The following NFXL1 variants were observed in gnomAD, a reference collection of about 807,000 sequenced individuals.
NFXL1 encodes nuclear transcription factor, X-box binding like 1, also known as NF-X1-type zinc finger protein NFXL1.
In NFXL1, 66 loss-of-function variants were observed where a neutral mutation model predicts 123.3. That is an observed-to-expected ratio of 0.54 (90% CI 0.44 to 0.66). The LOEUF (loss-of-function observed/expected upper bound fraction) is 0.66. Ranked by LOEUF, NFXL1 falls within the 30% of genes least tolerant of loss-of-function variation. The probability of loss-of-function intolerance (pLI) is 0.00; values close to 1 mark genes in which losing one functional copy is unlikely to be tolerated. For missense variants in NFXL1, 944 were observed against 1,125.6 expected (o/e 0.84, Z 2.31); for synonymous variants, 346 against 360.8 (o/e 0.96, Z 0.46).
intron 22 of NFXL1, among the ~76,000 whole-genome samples, chr4:47,850,066 G>A (rs556625485): frequency 5.3e-5 from 8 of 152,024 alleles, no homozygotes; most frequent in African/African-American, 1.9e-4. Context: ...TAAAGAGTCA[G>A]TAAACAGGGA....
At chr4:47,889,010 C>A (rs1736615623) in intron 12 of NFXL1, among the ~76,000 whole-genome samples, 1 of 152,086 alleles carries the variant, frequency 6.6e-6, no homozygotes, top group Admixed American at 6.6e-5. Flanking sequence ...AAATATGAGA[C>A]AGGGAAATGC....
At chr4:47,892,819 A>G (rs1316977669) in intron 11 of NFXL1, among the ~76,000 whole-genome samples, 1 of 152,216 alleles carries the variant, frequency 6.6e-6, no homozygotes, top group South Asian at 2.1e-4. Context: ...CATGTCTAGT[A>G]ACAATCAAAA....
At chr4:47,857,135 C>T (rs1209099101) in intron 19 of NFXL1, among the ~76,000 whole-genome samples, 1 of 152,080 alleles carries the variant, frequency 6.6e-6, no homozygotes, top group African/African-American at 2.4e-5. Flanking sequence ...TTATAGGGCA[C>T]ATGTAATTTT....
intron 18 of NFXL1, 90 bp from the exon 19 acceptor site, chr4:47,863,005 A>G: frequency 1.4e-6 from 1 of 717,376 alleles, no homozygotes; most frequent in Admixed American, 2.6e-5. Context: ...AAACATATCC[A>G]TAAAATTATC....
chr4:47,856,986 C>T (rs980114243), intron 19 of NFXL1, among the ~76,000 whole-genome samples: 3 of 152,178 alleles, frequency 2.0e-5, no homozygotes, highest in Non-Finnish European at 4.4e-5. Flanking sequence ...CTTATTCTTA[C>T]TCTCAAAATA....
At chr4:47,910,652 T>C (rs555054214) in intron 3 of NFXL1, among the ~76,000 whole-genome samples, 172 bp downstream of exon 3, 24 of 152,346 alleles carry the variant, frequency 1.6e-4, no homozygotes, top group African/African-American at 5.8e-4. Context: ...GAAAAATTAG[T>C]GTTACACAAT....
Position 47,885,935 on chromosome 4 carries a change from T to G in NFXL1, c.1608A>C (p.Thr536=), listed in dbSNP as rs1736401310. The G allele has an allele frequency of 6.2e-7, 1 of 1,613,730 alleles. No individual in the cohort carries two copies. Among genetic ancestry groups the G allele is most frequent in the Non-Finnish European group, 8.5e-7 (1 of 1,179,726 alleles). The stretch of plus-strand genomic sequence containing the variant: ...TGGTACGTTCTCGGCCACAGGGCAC[T>G]GTCACCTTTGTATTGCCACAATTAC... ...VKCNCGNTKV[T]VPCGRERTTR... is the part of the protein sequence containing the mutation. Residue 536 remains threonine, a synonymous_variant, in exon 13 of 23, where the codon ACA becomes ACC. Coordinates refer to ENST00000507489, the MANE Select transcript of NFXL1 (RefSeq NM_001278624.2).
At chr4:47,869,367 A>G (rs2110056761) in intron 18 of NFXL1, among the ~76,000 whole-genome samples, 1 of 152,358 alleles carries the variant, frequency 6.6e-6, no homozygotes, top group South Asian at 2.1e-4. Flanking sequence ...ACGATATTAC[A>G]TCTTCTCAAG....
chr4:47,869,866 T>G lies in NFXL1; in HGVS notation c.2246+5261A>C, dbSNP rs574557175. 5.3e-5 allele frequency among the ~76,000 whole-genome samples: 8 copies of G among 152,022 alleles called. No homozygotes were observed. The South Asian group carries it at 1.0e-3, about 20-fold the overall frequency. ...AAAGCAAAAATATTCAAAATAAGAA[T>G]GACAAGGGGAAATCATAAAACAACA... On this transcript the variant is annotated intron_variant, in intron 18 of 22. Transcript: ENST00000507489.
At chr4:47,879,241 T>C (rs1006627419) in intron 15 of NFXL1, 124 bp from the exon 16 acceptor site, 23 of 433,984 alleles carry the variant, frequency 5.3e-5, no homozygotes, top group Admixed American at 1.7e-4. Flanking sequence ...ATAGTAAAGT[T>C]ACAGGACACG....
chr4:47,881,124 G>A (rs1027340523), intron 15 of NFXL1, among the ~76,000 whole-genome samples: 1 of 151,934 alleles, frequency 6.6e-6, no homozygotes, highest in Non-Finnish European at 1.5e-5. Flanking sequence ...TATAGATATA[G>A]ATATCTATAA....
At chr4:47,864,439 C>T (rs968241406) in intron 18 of NFXL1, among the ~76,000 whole-genome samples, 1 of 152,118 alleles carries the variant, frequency 6.6e-6, no homozygotes, top group Non-Finnish European at 1.5e-5. Flanking sequence ...AATTCTCTGA[C>T]CTACCTTGTC....
rs1420290222 is a variant in NFXL1 at position 47,847,750 on chromosome 4, C to G, written c.*413G>C. ...TTAAAAAGCACAAAGTTAACAGTATCAAGAAAAGTACTCTATCATAAGTAA... is the reference window on the plus strand; with the variant it reads ...TTAAAAAGCACAAAGTTAACAGTATGAAGAAAAGTACTCTATCATAAGTAA... On this transcript the variant is annotated 3_prime_UTR_variant, in exon 23 of 23. Transcript: ENST00000507489. The G allele has an allele frequency of 1.3e-5, 2 of 153,120 alleles. No homozygotes were observed. Among genetic ancestry groups the G allele is most frequent in the Non-Finnish European group, 2.9e-5 (2 of 68,456 alleles). 9.5% of individuals were successfully genotyped at this position (153,120 alleles called of 1,614,324 possible).
intron 14 of NFXL1, 48 bp from the exon 15 acceptor site, chr4:47,884,485 A>T: frequency 8.6e-7 from 1 of 1,159,696 alleles, no homozygotes; most frequent in Non-Finnish European, 1.3e-6. Flanking sequence ...ATTAAATCAT[A>T]TGGCCATTTT....
rs192918127 is a variant in NFXL1 at position 47,894,962 on chromosome 4, A to C, written c.1330-660T>G. Among the ~76,000 whole-genome samples, 202 of 152,330 alleles carry C rather than the reference A, an allele frequency of 1.3e-3. 1 individual carries two copies. Among genetic ancestry groups the C allele is most frequent in the African/African-American group, 4.7e-3 (195 of 41,576 alleles). On this transcript the variant is annotated intron_variant, in intron 10 of 22. Transcript: ENST00000507489. Reference sequence around the variant, plus strand: ...CTTAAAAAATAGAACTTGAAAGTCAAAATTATTCCTTGATCCATGGGCTGC... The same window carrying C: ...CTTAAAAAATAGAACTTGAAAGTCACAATTATTCCTTGATCCATGGGCTGC...
At chr4:47,902,417 T>C (rs1737391734) in intron 5 of NFXL1, among the ~76,000 whole-genome samples, 2 of 152,000 alleles carry the variant, frequency 1.3e-5, no homozygotes, top group South Asian at 4.1e-4. Context: ...GATCAAATAA[T>C]CATCAATAAT....
intron 18 of NFXL1, among the ~76,000 whole-genome samples, chr4:47,868,871 T>C (rs1735263015): frequency 6.6e-6 from 1 of 152,210 alleles, no homozygotes; most frequent in African/African-American, 2.4e-5. Flanking sequence ...GTATGACATA[T>C]AACAGCTTAA....
intron 19 of NFXL1, among the ~76,000 whole-genome samples, chr4:47,862,468 C>A (rs576374327): frequency 6.6e-6 from 1 of 152,138 alleles, no homozygotes; most frequent in Non-Finnish European, 1.5e-5. Flanking sequence ...CACATGCATA[C>A]ACACACGCAC....
At chr4:47,907,610 G>T (rs1737621600) in intron 3 of NFXL1, among the ~76,000 whole-genome samples, 1 of 152,172 alleles carries the variant, frequency 6.6e-6, no homozygotes. Flanking sequence ...TAAATCAAGT[G>T]ATCAGATTTT....
Sources: gnomAD v4.1 joint callset for allele counts (sites outside exome capture counted in the v4.1 genomes callset) on GRCh38, gnomAD v4.1.1 for gene constraint, MANE v1.5 for transcripts, NCBI Gene and HGNC (gene_info 2026-07-23, HGNC 2026-07-21) for gene names.